Variants in DGKB observed in about 807,000 individuals in gnomAD.
The protein encoded by DGKB is 90 kDa diacylglycerol kinase.
Under a neutral mutation model 114.3 loss-of-function variants are expected in DGKB, and 67 were observed. The ratio of observed to expected loss-of-function variants is 0.59; its 90% confidence interval spans 0.48 to 0.72. The LOEUF (loss-of-function observed/expected upper bound fraction) is 0.72, where lower values mean the gene tolerates loss of function less well. DGKB is among the 30% of genes least tolerant of loss of function. The probability of loss-of-function intolerance (pLI) is 0.00; values close to 1 mark genes in which losing one functional copy is unlikely to be tolerated. For synonymous variants in DGKB, 398 were observed against 323.1 expected (o/e 1.23, Z -2.49); for missense variants, 907 against 975.2 (o/e 0.93, Z 0.93).
intron 17 of DGKB, among the ~76,000 whole-genome samples, chr7:14,607,157 CGTGTGT>C (rs71004316): frequency 8.1e-5 from 12 of 148,230 alleles, no homozygotes; most frequent in Non-Finnish European, 1.5e-4. Context: ...GCTAGTTTGT[CGTGTGT>C]GTGTGTGTGT....
At chr7:14,455,009 G>T (rs1438774064) in intron 21 of DGKB, among the ~76,000 whole-genome samples, 1 of 151,984 alleles carries the variant, frequency 6.6e-6, no homozygotes, top group Non-Finnish European at 1.5e-5. Context: ...TAGAACCGAA[G>T]GTTTGTCTTT....
chr7:14,677,903 A>T (rs1820148184), intron 12 of DGKB, among the ~76,000 whole-genome samples: 1 of 152,106 alleles, frequency 6.6e-6, no homozygotes, highest in Admixed American at 6.6e-5. Context: ...TTTACAAATG[A>T]ACAGAAAATT....
chr7:14,161,567 C>T (rs1283912374), intron 25 of DGKB, among the ~76,000 whole-genome samples: 1 of 151,420 alleles, frequency 6.6e-6, no homozygotes, highest in Non-Finnish European at 1.5e-5. Flanking sequence ...AACACAGGAA[C>T]AGAAAATCAA....
intron 1 of DGKB, among the ~76,000 whole-genome samples, chr7:14,879,845 A>C (rs1194972553): frequency 6.6e-6 from 1 of 152,138 alleles, no homozygotes; most frequent in Non-Finnish European, 1.5e-5. Flanking sequence ...ATAAATGACA[A>C]TTGTATGTCT....
At chr7:14,814,244 A>T (rs1047824361) in intron 2 of DGKB, 2 of 152,196 alleles carry the variant, frequency 1.3e-5, no homozygotes, top group African/African-American at 2.4e-5. Context: ...CCACAAGAAA[A>T]GTTGGCTCTT....
At chr7:14,841,872 T>A (rs576738602) in intron 1 of DGKB, among the ~76,000 whole-genome samples, 30 of 152,226 alleles carry the variant, frequency 2.0e-4, no homozygotes, top group Non-Finnish European at 2.5e-4. Flanking sequence ...AGAAGTCATA[T>A]AATTTGTTCT....
chr7:14,756,857 G>T (rs938267072), intron 3 of DGKB, among the ~76,000 whole-genome samples: 2 of 151,964 alleles, frequency 1.3e-5, no homozygotes, highest in African/African-American at 4.8e-5. Flanking sequence ...ATGAAGCAAC[G>T]TAAATGTTGC....
chr7:14,284,615 T>C (rs1800536246), intron 23 of DGKB, among the ~76,000 whole-genome samples: 1 of 144,068 alleles, frequency 6.9e-6, no homozygotes, highest in Non-Finnish European at 1.5e-5. Flanking sequence ...CCAACCCAAA[T>C]GTCCAACAAT....
chr7:14,150,429 A>C (rs930933922), intron 25 of DGKB, among the ~76,000 whole-genome samples: 3 of 152,158 alleles, frequency 2.0e-5, no homozygotes, highest in Non-Finnish European at 4.4e-5. Context: ...AGGATCATTA[A>C]AATCTGCAGT....
intron 2 of DGKB, among the ~76,000 whole-genome samples, chr7:14,762,806 C>A (rs940042893): frequency 3.9e-5 from 6 of 152,204 alleles, no homozygotes; most frequent in Admixed American, 2.0e-4. Context: ...TGTCCCTGGG[C>A]ATATTTTTAA....
At chr7:14,163,963 C>T (rs1453806347) in intron 25 of DGKB, among the ~76,000 whole-genome samples, 4 of 151,958 alleles carry the variant, frequency 2.6e-5, no homozygotes, top group Non-Finnish European at 5.9e-5. Flanking sequence ...CCATTGCACA[C>T]CTGCCTGGGC....
chr7:14,904,403 T>C (rs533622726), upstream of DGKB, among the ~76,000 whole-genome samples: 1 of 152,246 alleles, frequency 6.6e-6, no homozygotes, highest in Admixed American at 6.5e-5. Flanking sequence ...TTAGGGCTTG[T>C]GTAATCAGGG....
intron 6 of DGKB, among the ~76,000 whole-genome samples, chr7:14,712,324 G>C (rs768108856): frequency 6.6e-6 from 1 of 152,110 alleles, no homozygotes; most frequent in Non-Finnish European, 1.5e-5. Context: ...CTAAAATAAA[G>C]GGTGAAAGTG....
chr7:14,329,337 A>C (rs2128554203), intron 23 of DGKB, among the ~76,000 whole-genome samples: 1 of 152,000 alleles, frequency 6.6e-6, no homozygotes, highest in Middle Eastern at 3.4e-3. Flanking sequence ...TTATTAGAAA[A>C]CAAAATATAA....
In DGKB at chr7:14,902,744, AGAG is replaced by A. The variant is rs1331297665; in HGVS notation, c.-343_-341del. On this transcript the variant is annotated 5_prime_UTR_variant, in exon 1 of 26. Coordinates refer to ENST00000402815, the MANE Select transcript of DGKB (RefSeq NM_001350709.2). ...GGCTCCCACACAGCTCGGCTTCCCC[AGAG>A]GAGTGGAGCTTCAAGAACTCTGCTC... is the stretch of plus-strand genomic sequence containing the variant. 6.6e-6 allele frequency: 1 copy of A among 152,224 alleles called. No homozygotes were observed. The highest frequency in any genetic ancestry group is 1.9e-4 in the East Asian group (1 of 5,166). The allele number at this position is 152,224 out of a possible 1,614,324, so 9.4% of individuals were successfully genotyped here. A position where few individuals can be genotyped will look rare whatever the true frequency, so the allele number is the denominator to read the frequency against.
Position 14,338,598 on chromosome 7 carries a change from C to T in DGKB, c.2039G>A (p.Arg680Gln), listed in dbSNP as rs772215117. The T allele has an allele frequency of 5.0e-6, 8 of 1,610,020 alleles. No individual in the cohort carries two copies. The highest frequency in any genetic ancestry group is 4.2e-6 in the Non-Finnish European group (5 of 1,177,770). The change falls in exon 23 of 26, where the codon CGA becomes CAA. Residue 680 changes from arginine (R) to glutamine (Q), a missense_variant. By Grantham distance (43) the Arg-to-Gln change is conservative (BLOSUM62 1). Transcript: ENST00000402815. ...SNLWGESKKR[R>Q]SHRRIEKKGS... ...TTTTTTCTCTATTCGTCGATGGCTTCGTCTTTTCTTAGACTCTCCCCAAAG... is the reference window on the plus strand; with the variant it reads ...TTTTTTCTCTATTCGTCGATGGCTTTGTCTTTTCTTAGACTCTCCCCAAAG...
At chr7:14,178,288 A>G in intron 23 of DGKB, 137 bp from the exon 24 acceptor site, 1 of 894,934 alleles carries the variant, frequency 1.1e-6, no homozygotes, top group Non-Finnish European at 1.6e-6. Context: ...TTAAAGTAAT[A>G]AAAAGATGGC....
chr7:14,968,371 T>TA (rs1212137592), intron 1 of DGKB, among the ~76,000 whole-genome samples: 5 of 152,150 alleles, frequency 3.3e-5, no homozygotes, highest in African/African-American at 9.7e-5. Flanking sequence ...GTATTCACAG[T>TA]AAAAAATCTA....
chr7:14,568,495 TA>T (rs944444709), intron 20 of DGKB, among the ~76,000 whole-genome samples: 1 of 151,940 alleles, frequency 6.6e-6, no homozygotes, highest in Admixed American at 6.6e-5. Flanking sequence ...ATGGGCCCAC[TA>T]AAAAAAATCC....
Sources: allele counts gnomAD v4.1 joint callset (sites outside exome capture counted in the v4.1 genomes callset), GRCh38; gene constraint gnomAD v4.1.1; transcripts MANE v1.5; gene names NCBI Gene and HGNC (gene_info 2026-07-23, HGNC 2026-07-21).